LHX8: variants seen among roughly 807,000 people sequenced by gnomAD.
LHX8 encodes LIM/homeobox protein Lhx8.
LHX8 carries 12 observed loss-of-function variants against 40.3 expected under a neutral mutation model. The observed-to-expected ratio is 0.30, with a 90% CI of 0.19 to 0.48. The LOEUF (loss-of-function observed/expected upper bound fraction) is 0.48, where lower values mean the gene tolerates loss of function less well. LHX8 is among the 20% of genes least tolerant of loss of function. The probability of loss-of-function intolerance (pLI) is 0.99; values close to 1 mark genes in which losing one functional copy is unlikely to be tolerated. For synonymous variants in LHX8, 179 were observed against 162.0 expected (o/e 1.10, Z -0.80); for missense variants, 344 against 433.7 (o/e 0.79, Z 1.84).
At chr1:75,197,444 T>A in the LHX8 span, among the ~76,000 whole-genome samples, 7 of 152,200 alleles carry the variant, frequency 4.6e-5, no homozygotes, top group Non-Finnish European at 1.5e-5. Context: ...AAATTTGATT[T>A]CTCTTGACCT....
At chr1:75,150,681 CT>C (rs35282262) in intron 7 of LHX8, among the ~76,000 whole-genome samples, 288 of 135,090 alleles carry the variant, frequency 2.1e-3, no homozygotes, top group Non-Finnish European at 2.1e-3. Flanking sequence ...AATTTTATTT[CT>C]TTTTTTTTTT....
the LHX8 span, among the ~76,000 whole-genome samples, chr1:75,181,165 T>C: frequency 6.6e-6 from 1 of 152,188 alleles, no homozygotes. Flanking sequence ...TACATAGGTA[T>C]CAGGGACCCA....
chr1:75,141,891 A>G (rs2100339037), intron 4 of LHX8, among the ~76,000 whole-genome samples: 1 of 152,286 alleles, frequency 6.6e-6, no homozygotes, highest in East Asian at 1.9e-4. Flanking sequence ...AGGCTGTAAT[A>G]CTAATTTTGT....
At chr1:75,196,621 G>A in the LHX8 span, among the ~76,000 whole-genome samples, 1 of 152,120 alleles carries the variant, frequency 6.6e-6, no homozygotes, top group South Asian at 2.1e-4. Context: ...AAGCATAATA[G>A]AAAACATTCT....
chr1:75,165,755 T>C (rs1649020631), downstream of LHX8, among the ~76,000 whole-genome samples: 1 of 152,170 alleles, frequency 6.6e-6, no homozygotes, highest in Non-Finnish European at 1.5e-5. Context: ...TTGAGCGTCC[T>C]AGGATAACTT....
chr1:75,173,900 T>C, the LHX8 span, among the ~76,000 whole-genome samples: 93 of 152,226 alleles, frequency 6.1e-4, no homozygotes, highest in Non-Finnish European at 7.1e-4. Flanking sequence ...AGTTTGAGCA[T>C]CTCAAATCTG....
chr1:75,177,105 T>C, the LHX8 span, among the ~76,000 whole-genome samples: 5 of 152,262 alleles, frequency 3.3e-5, no homozygotes, highest in East Asian at 9.7e-4. Flanking sequence ...AGTCAGGTAG[T>C]GTGATGCCTC....
chr1:75,194,702 C>T, the LHX8 span, among the ~76,000 whole-genome samples: 2 of 152,148 alleles, frequency 1.3e-5, no homozygotes, highest in East Asian at 1.9e-4. Context: ...AAATAAGCAT[C>T]TTGGACACAT....
upstream of LHX8, chr1:75,130,593 G>A (rs908316439): frequency 3.3e-6 from 3 of 913,706 alleles, no homozygotes; most frequent in African/African-American, 3.2e-5. Context: ...ACCTCCACTG[G>A]CGTGAATAAA....
intron 2 of LHX8, 55 bp from the exon 3 acceptor site, chr1:75,137,045 G>A (rs1648163275): frequency 1.9e-6 from 3 of 1,540,780 alleles, no homozygotes; most frequent in Non-Finnish European, 2.6e-6. Context: ...TGGGTAGGTG[G>A]GATGCGAAGG....
chr1:75,193,075 T>C, the LHX8 span, among the ~76,000 whole-genome samples: 2 of 152,218 alleles, frequency 1.3e-5, no homozygotes, highest in Non-Finnish European at 2.9e-5. Context: ...CTAATATGCT[T>C]TTCCAGCTGC....
At chr1:75,151,024 A>G (rs556381453) in intron 7 of LHX8, among the ~76,000 whole-genome samples, 15 of 152,276 alleles carry the variant, frequency 9.9e-5, no homozygotes, top group African/African-American at 3.6e-4. Context: ...TAAGGAGTGA[A>G]AGCAAGTAAC....
At chr1:75,142,255 GTAAC>G (rs1648335690) in intron 4 of LHX8, among the ~76,000 whole-genome samples, 1 of 151,892 alleles carries the variant, frequency 6.6e-6, no homozygotes, top group African/African-American at 2.4e-5. Context: ...ATTTTTCAGA[GTAAC>G]TAAAAAAACA....
chr1:75,191,550 C>G, the LHX8 span, among the ~76,000 whole-genome samples: 1 of 152,180 alleles, frequency 6.6e-6, no homozygotes, highest in African/African-American at 2.4e-5. Flanking sequence ...GTCCTTGATC[C>G]TGGTCTAAGG....
At chr1:75,148,810 T>C in intron 7 of LHX8, 128 bp downstream of exon 7, 2 of 692,384 alleles carry the variant, frequency 2.9e-6, no homozygotes, top group South Asian at 1.7e-5. Context: ...CCCAAAGTAA[T>C]GGGATTACAG....
chr1:75,170,036 G>A, the LHX8 span, among the ~76,000 whole-genome samples: 1 of 152,158 alleles, frequency 6.6e-6, no homozygotes, highest in Non-Finnish European at 1.5e-5. Context: ...CCAGGTCTAT[G>A]TTGCCAGAGA....
At chr1:75,139,886 A>T (rs1019705252) in intron 3 of LHX8, among the ~76,000 whole-genome samples, 44 of 152,206 alleles carry the variant, frequency 2.9e-4, no homozygotes, top group African/African-American at 1.0e-3. Context: ...TTATTATGGA[A>T]TAGTTGAGCA....
the LHX8 span, among the ~76,000 whole-genome samples, chr1:75,180,095 C>T: frequency 3.1e-3 from 466 of 152,242 alleles, 2 homozygotes; most frequent in Non-Finnish European, 5.2e-3. Context: ...GTGGGTAACC[C>T]GACCTTTCTC....
At chr1:75,182,293 AAG>A in the LHX8 span, among the ~76,000 whole-genome samples, 188 of 152,202 alleles carry the variant, frequency 1.2e-3, 2 homozygotes, top group East Asian at 0.027. Flanking sequence ...TGCTTTGTCA[AAG>A]ATCAGTTGGC....
Sources: allele counts gnomAD v4.1 joint callset (sites outside exome capture counted in the v4.1 genomes callset), GRCh38; gene constraint gnomAD v4.1.1; transcripts MANE v1.5; gene names NCBI Gene and HGNC (gene_info 2026-07-23, HGNC 2026-07-21).